SIRT3: variants seen among roughly 807,000 people sequenced by gnomAD.
SIRT3 encodes sirtuin 3.
A neutral mutation model predicts 33.5 loss-of-function variants in SIRT3; 26 were observed. That is an observed-to-expected ratio of 0.78 (90% CI 0.57 to 1.08). The LOEUF (loss-of-function observed/expected upper bound fraction) is 1.08, where lower values mean the gene tolerates loss of function less well. Among genes scored for constraint, SIRT3 ranks in the 50% least tolerant of loss-of-function variants. SIRT3 has a pLI of 0.00. For synonymous variants in SIRT3, 237 were observed against 222.1 expected, an observed-to-expected ratio of 1.07 and a Z score of -0.60; for missense variants, 585 against 530.1, an observed-to-expected ratio of 1.10 and a Z score of -1.02.
chr11:226,327 C>T (rs1857167475), intron 4 of SIRT3, among the ~76,000 whole-genome samples: 1 of 152,144 alleles, frequency 6.6e-6, no homozygotes, highest in Non-Finnish European at 1.5e-5. Flanking sequence ...CGGCCAGGAA[C>T]TCAAGCTTCC....
chr11:230,467 T>TG lies in SIRT3; in HGVS notation c.791dup (p.Gly265ArgfsTer7). 1 of 1,494,394 alleles carries TG rather than the reference T, an allele frequency of 6.7e-7. No homozygotes were observed. The highest frequency in any genetic ancestry group is 2.3e-5 in the Admixed American group (1 of 43,840). The allele number at this position is 1,494,394 out of a possible 1,614,324, so 92.6% of individuals were successfully genotyped here. On this transcript the variant is annotated frameshift_variant, in exon 4 of 7. Transcript: ENST00000382743. LOFTEE classifies it high-confidence loss of function. Reference sequence around the variant, plus strand: ...GATAACTCACCCGAATGTCCTCCCCTGGGAAGGGTCTTTGGCAGACTGTGC... The same window carrying TG: ...GATAACTCACCCGAATGTCCTCCCCTGGGGAAGGGTCTTTGGCAGACTGTGC...
intron 1 of SIRT3, among the ~76,000 whole-genome samples, chr11:234,269 C>T (rs749958311): frequency 5.9e-5 from 9 of 152,198 alleles, no homozygotes; most frequent in Non-Finnish European, 7.3e-5. Context: ...CTGGGAGGGA[C>T]ACTGTGCAAA....
Position 223,647 on chromosome 11 carries a change from G to A in SIRT3, c.969+431C>T. ...ATCCTTCTCCCTTCTCCTCACACGT[G>A]GTGCCCCACCCACACCTATACCACC... is the stretch of plus-strand genomic sequence containing the variant. On this transcript the variant is annotated intron_variant, in intron 5 of 6. Coordinates refer to ENST00000382743, the MANE Select transcript of SIRT3 (RefSeq NM_012239.6). The surrounding 1 kb of genome is among the most constrained non-coding windows in gnomAD (Gnocchi z 4.8). 3.9e-6 allele frequency: 2 copies of A among 516,278 alleles called. No individual in the cohort carries two copies. The highest frequency in any genetic ancestry group is 7.2e-6 in the Non-Finnish European group (2 of 277,392). The allele number at this position is 516,278 out of a possible 1,614,324, so 32.0% of individuals were successfully genotyped here.
chr11:232,912 C>G lies in SIRT3; in HGVS notation c.706+71G>C. ...CCCTGTGAGAAACAGGCACCCGAGC[C>G]TCCCTGGGAGAAACAGGCACCCGAG... is the stretch of plus-strand genomic sequence containing the variant. On this transcript the variant is annotated intron_variant, in intron 3 of 6. Coordinates refer to ENST00000382743, the MANE Select transcript of SIRT3 (RefSeq NM_012239.6). 4.1e-6 allele frequency: 6 copies of G among 1,464,990 alleles called. No individual in the cohort carries two copies. The South Asian group carries it at 7.1e-5, about 17-fold the overall frequency. 90.7% of individuals were successfully genotyped at this position (1,464,990 alleles called of 1,614,324 possible).
intron 4 of SIRT3, among the ~76,000 whole-genome samples, chr11:226,789 T>C (rs1214377997): frequency 4.7e-5 from 7 of 149,464 alleles, no homozygotes; most frequent in African/African-American, 7.5e-5. Context: ...GTTTCGCTCT[T>C]GTTTCCCAGG....
At chr11:233,615 C>T in intron 1 of SIRT3, 81 bp from the exon 2 acceptor site, 1 of 1,379,142 alleles carries the variant, frequency 7.3e-7, no homozygotes, top group Non-Finnish European at 1.0e-6. Flanking sequence ...GCTCTGCCCT[C>T]TGCACCACCG....
chr11:227,805 T>C (rs1369236001), intron 4 of SIRT3, among the ~76,000 whole-genome samples: 1 of 152,046 alleles, frequency 6.6e-6, no homozygotes, highest in Non-Finnish European at 1.5e-5. Flanking sequence ...GTATTTTTAG[T>C]AGAGATGGGA....
At chr11:227,776 C>T (rs1048117117) in intron 4 of SIRT3, among the ~76,000 whole-genome samples, 3 of 152,022 alleles carry the variant, frequency 2.0e-5, no homozygotes, top group Non-Finnish European at 4.4e-5. Context: ...AGGTGCACCA[C>T]CACACCTGGC....
At chr11:229,305 C>T (rs918043843) in intron 4 of SIRT3, among the ~76,000 whole-genome samples, 1 of 151,568 alleles carries the variant, frequency 6.6e-6, no homozygotes, top group East Asian at 1.9e-4. Flanking sequence ...ATTAGCCGGG[C>T]GTGGTGGTGT....
rs143392832 is a variant in SIRT3, at chr11:224,219, C to G, written c.828G>C (p.Arg276Ser). The G allele has an allele frequency of 6.2e-7, 1 of 1,614,108 alleles. No homozygotes were observed. ...CGGTGCAGACCGGGCAGCGGGGAAC[C>G]CTGTCTGCCATCACGTCAGCCTGGA... ...EDIRADVMAD[R>S]VPRCPVCTGV... Residue 276 changes from arginine (R) to serine (S), a missense_variant, in exon 5 of 7, where the codon AGG becomes AGC. Transcript: ENST00000382743.
At chr11:219,369 C>T (rs963109954) in intron 5 of SIRT3, among the ~76,000 whole-genome samples, 1 of 152,174 alleles carries the variant, frequency 6.6e-6, no homozygotes, top group Admixed American at 6.5e-5. Flanking sequence ...TCTCCCTGTC[C>T]TCCCCACCTC....
intron 1 of SIRT3, chr11:234,062 G>C (rs541442205): frequency 1.3e-5 from 2 of 153,172 alleles, no homozygotes; most frequent in South Asian, 4.1e-4. Context: ...TGCCTGCTGA[G>C]GGCAAGGTAT....
chr11:236,548 T>G (rs1161395753), upstream of SIRT3: 1 of 161,714 alleles, frequency 6.2e-6, no homozygotes, highest in East Asian at 1.9e-4. Context: ...AGTTCCCTAG[T>G]CTGGTGTCTC....
Position 233,478 on chromosome 11 carries a change from C to T in SIRT3, c.338G>A (p.Gly113Glu), listed in dbSNP as rs745690704. Residue 113 changes from glycine to glutamate, a missense_variant, in exon 2 of 7, where the codon GGA (glycine) becomes GAA (glutamate). By Grantham distance (98) the Gly-to-Glu change is moderately conservative (BLOSUM62 -2). Coordinates refer to ENST00000382743, the MANE Select transcript of SIRT3 (RefSeq NM_012239.6). ...SFSVGASSVV[G>E]SGGSSDKGKL... ...CCCCTTGTCACTGCTGCCTCCACTT[C>T]CAACAACACTTGAAGCACCCACAGA... 1 of 1,614,124 alleles carries T rather than the reference C, an allele frequency of 6.2e-7. No individual in the cohort carries two copies. The highest frequency in any genetic ancestry group is 8.5e-7 in the Non-Finnish European group (1 of 1,180,028).
In SIRT3 at chr11:232,998, C is replaced by T. The variant is rs752478762; in HGVS notation, c.691G>A (p.Asp231Asn). 5.0e-6 allele frequency: 8 copies of T among 1,614,042 alleles called. No individual in the cohort carries two copies. Among genetic ancestry groups the T allele is most frequent in the East Asian group, 2.2e-5 (1 of 44,886 alleles). ...LLLRLYTQNI[D>N]GLERVSGIPA... ...GAGGGCTCACCTCTCTCAAGCCCAT[C>T]GATGTTCTGCGTGTAGAGCCGCAGA... The change falls in exon 3 of 7, where the codon GAT (aspartate) becomes AAT (asparagine). Residue 231 changes from aspartate to asparagine, a missense_variant. Asp to Asn is a conservative substitution (Grantham distance 23, BLOSUM62 1). Coordinates refer to ENST00000382743, the MANE Select transcript of SIRT3 (RefSeq NM_012239.6).
chr11:230,415 A>G (rs1734490), intron 4 of SIRT3, 37 bp downstream of exon 4: 3 of 1,298,996 alleles, frequency 2.3e-6, no homozygotes, highest in Non-Finnish European at 3.1e-6. Context: ...CCCCAACAGC[A>G]AACTGCAGAA....
chr11:236,387 C>CGG (rs1379316884), upstream of SIRT3: 80 of 156,792 alleles, frequency 5.1e-4, no homozygotes, highest in Middle Eastern at 2.1e-3. Flanking sequence ...CCCGGCCCCG[C>CGG]CTCCGCCTCC....
Position 236,163 on chromosome 11 carries a change from C to G in SIRT3, c.166G>C (p.Ala56Pro). 1 of 1,566,854 alleles carries G rather than the reference C, an allele frequency of 6.4e-7. No homozygotes were observed. The highest frequency in any genetic ancestry group is 8.6e-7 in the Non-Finnish European group (1 of 1,158,002). ...VSAGLRGSHG[A>P]RGEPLDPARP... ...GCCGGGTCCAAGGGCTCACCGCGGG[C>G]CCCATGGCTGCCTCTCAGCCCCGCA... The change falls in exon 1 of 7, where the codon GCC becomes CCC. Residue 56 changes from alanine (A) to proline (P), a missense_variant. Ala to Pro is a conservative substitution (Grantham distance 27). Transcript: ENST00000382743.
At chr11:230,736 G>T in intron 3 of SIRT3, 184 bp from the exon 4 acceptor site, 1 of 398,554 alleles carries the variant, frequency 2.5e-6, no homozygotes, top group South Asian at 1.1e-4. Context: ...GAATAAGGCA[G>T]GGGAGCAAAG....
Sources: allele counts gnomAD v4.1 joint callset (sites outside exome capture counted in the v4.1 genomes callset), GRCh38; gene constraint gnomAD v4.1.1; non-coding constraint Gnocchi (gnomAD v3.1); transcripts MANE v1.5; gene names NCBI Gene and HGNC (gene_info 2026-07-23, HGNC 2026-07-21).